ZNF574: variants seen among roughly 807,000 people sequenced by gnomAD.
ZNF574 encodes the protein zinc finger protein 574.
A neutral mutation model predicts 56.6 loss-of-function variants in ZNF574; 25 were observed. The observed-to-expected ratio is 0.44, with a 90% CI of 0.32 to 0.62. The LOEUF is 0.62. Ranked by LOEUF, ZNF574 falls within the 20% of genes least tolerant of loss-of-function variation. ZNF574 has a pLI of 0.04. For synonymous variants in ZNF574, 543 were observed against 492.1 expected, an observed-to-expected ratio of 1.10 and a Z score of -1.37; for missense variants, 1,065 against 1,218.9, an observed-to-expected ratio of 0.87 and a Z score of 1.88.
intron 1 of ZNF574, among the ~76,000 whole-genome samples, chr19:42,076,783 G>GAA (rs1056288373): frequency 2.6e-5 from 4 of 152,272 alleles, no homozygotes; most frequent in African/African-American, 4.8e-5. Flanking sequence ...GTTTTGGTGT[G>GAA]AAGACATTAG....
chr19:42,072,452 G>A (rs1414682031), upstream of ZNF574, among the ~76,000 whole-genome samples: 1 of 151,744 alleles, frequency 6.6e-6, no homozygotes, highest in Non-Finnish European at 1.5e-5. Context: ...TAGCCAGGAT[G>A]GTCTCGATCT....
intron 1 of ZNF574, chr19:42,070,692 G>A (rs2076411284): frequency 6.5e-6 from 1 of 152,740 alleles, no homozygotes; most frequent in South Asian, 2.1e-4. Flanking sequence ...CAAGCAAAAG[G>A]ACCTCGGAGA....
upstream of ZNF574, among the ~76,000 whole-genome samples, chr19:42,072,694 G>A (rs996499105): frequency 2.0e-5 from 3 of 152,096 alleles, no homozygotes; most frequent in Admixed American, 6.5e-5. Flanking sequence ...AGCCTCCCGC[G>A]TAGCTGGGAT....
At chr19:42,073,572 G>A (rs1375304720), upstream of ZNF574, among the ~76,000 whole-genome samples, 14 of 149,594 alleles carry the variant, frequency 9.4e-5, no homozygotes, top group Admixed American at 6.0e-4. Context: ...TGTAATCCCA[G>A]CACTTTGGGA....
At chr19:42,072,125 C>T (rs2076428636), upstream of ZNF574, among the ~76,000 whole-genome samples, 1 of 152,064 alleles carries the variant, frequency 6.6e-6, no homozygotes. Context: ...TCAGCTTATT[C>T]CTATATGATC....
chr19:42,072,030 AACC>A, upstream of ZNF574, among the ~76,000 whole-genome samples: 1 of 151,188 alleles, frequency 6.6e-6, no homozygotes, highest in East Asian at 2.0e-4. Context: ...AACAAAAACC[AACC>A]ACCATCCCCT....
At chr19:42,076,416 C>T (rs1024653655) in intron 1 of ZNF574, 130 bp downstream of exon 1, 2 of 151,780 alleles carry the variant, frequency 1.3e-5, no homozygotes, top group African/African-American at 4.8e-5. Flanking sequence ...GGAGCGGCAC[C>T]AACGGCCGAC....
In ZNF574 at chr19:42,079,212, C is replaced by T. The variant is rs756421494; in HGVS notation, c.606C>T (p.Thr202=). 3.7e-6 allele frequency: 6 copies of T among 1,614,046 alleles called. No homozygotes were observed. Among genetic ancestry groups the T allele is most frequent in the Admixed American group, 3.3e-5 (2 of 60,026 alleles). ...GATVPSAAAT[T]TEVVTEVELL... ...CTGTCCCATCTGCCGCTGCCACCACCACTGAGGTAGTGACTGAGGTGGAGC... is the reference window on the plus strand; with the variant it reads ...CTGTCCCATCTGCCGCTGCCACCACTACTGAGGTAGTGACTGAGGTGGAGC... Residue 202 remains threonine, a synonymous_variant, in exon 2 of 2, where the codon ACC becomes ACT. Transcript: ENST00000359044. The surrounding 1 kb of genome is among the most constrained non-coding windows in gnomAD (Gnocchi z 4.3).
At chr19:42,073,359 G>C (rs2076436995), upstream of ZNF574, among the ~76,000 whole-genome samples, 1 of 152,082 alleles carries the variant, frequency 6.6e-6, no homozygotes, top group South Asian at 2.1e-4. Flanking sequence ...AGAGATGTTA[G>C]TTATTATTAT....
chr19:42,080,560 C>T lies in ZNF574; in HGVS notation c.1954C>T (p.Arg652Trp), dbSNP rs201397724. The change falls in exon 2 of 2, where the codon CGG (arginine) becomes TGG (tryptophan). Residue 652 changes from arginine (R) to tryptophan (W), a missense_variant. Transcript: ENST00000359044. The surrounding 1 kb of genome is among the most constrained non-coding windows in gnomAD (Gnocchi z 8.5). ...TGCCTTCCCCTCCTCACTGCGGCTC[C>T]GGGAGCACCGCTGTGCAGCCGCTGC... ...GAAFPSSLRL[R>W]EHRCAAAAAQ... The T allele has an allele frequency of 1.2e-5, 19 of 1,612,826 alleles. No individual in the cohort carries two copies. The highest frequency in any genetic ancestry group is 7.7e-5 in the South Asian group (7 of 91,036).
At chr19:42,072,780 G>A (rs936986282), upstream of ZNF574, among the ~76,000 whole-genome samples, 1 of 152,060 alleles carries the variant, frequency 6.6e-6, no homozygotes, top group Non-Finnish European at 1.5e-5. Context: ...TGGTCAGGCT[G>A]GTCTTGAACT....
intron 1 of ZNF574, among the ~76,000 whole-genome samples, chr19:42,078,296 G>A (rs546309353): frequency 2.1e-4 from 32 of 152,222 alleles, no homozygotes; most frequent in Admixed American, 5.9e-4. Flanking sequence ...AGGTGTGGGA[G>A]ATGAGGGGAC....
exon 1 of ZNF574, chr19:42,068,499 G>C: frequency 2.6e-6 from 1 of 377,688 alleles, no homozygotes; most frequent in East Asian, 3.8e-5. Context: ...AGGGACTGAG[G>C]AGCCGGGCAC....
rs138945221 is a variant in ZNF574 at position 42,081,228 on chromosome 19, G to T, written c.2622G>T (p.Ala874=). 1 of 1,612,606 alleles carries T rather than the reference G, an allele frequency of 6.2e-7. No individual in the cohort carries two copies. Among genetic ancestry groups the T allele is most frequent in the Non-Finnish European group, 8.5e-7 (1 of 1,179,614 alleles). The change falls in exon 2 of 2, where the codon GCG becomes GCT. Residue 874 remains alanine (A), a synonymous_variant. Transcript: ENST00000359044. ...GLAVMETAVE[A]LPLVEAIEIY... ...CCGTCATGGAGACTGCTGTGGAGGC[G>T]CTACCCCTGGTGGAAGCCATTGAGA... is the stretch of plus-strand genomic sequence containing the variant.
At position 42,080,475 on chromosome 19, in the gene ZNF574, GGTGCACCAGCTC is replaced by G; in HGVS notation, c.1873_1884del (p.His625_Val628del). 6.2e-7 allele frequency: 1 copy of G among 1,614,026 alleles called. No individual in the cohort carries two copies. Among genetic ancestry groups the G allele is most frequent in the Non-Finnish European group, 8.5e-7 (1 of 1,180,022 alleles). ...CCTTCTTGCTGCGTCGGCTGCTGGAGGTGCACCAGCTCGTGGTCCATGCCGGGCGCCAGCCCC... is the reference window on the plus strand; with the variant it reads ...CCTTCTTGCTGCGTCGGCTGCTGGAGGTGGTCCATGCCGGGCGCCAGCCCC... On this transcript the variant is annotated inframe_deletion, in exon 2 of 2. Coordinates refer to ENST00000359044, the MANE Select transcript of ZNF574 (RefSeq NM_022752.6). This position sits in a 1 kb window ranked among gnomAD's most constrained non-coding sequence, Gnocchi z 8.5.
At chr19:42,075,441 T>C (rs1209836830), upstream of ZNF574, among the ~76,000 whole-genome samples, 1 of 152,210 alleles carries the variant, frequency 6.6e-6, no homozygotes, top group Non-Finnish European at 1.5e-5. Context: ...TTGTCCCTGC[T>C]TCTTTTTCTC....
chr19:42,070,048 AC>A (rs1366757476), intron 1 of ZNF574, among the ~76,000 whole-genome samples: 1 of 152,022 alleles, frequency 6.6e-6, no homozygotes, highest in Non-Finnish European at 1.5e-5. Context: ...GCCTGGCGAC[AC>A]ACTCCTGGTC....
In ZNF574 at chr19:42,079,182, G is replaced by T; in HGVS notation, c.576G>T (p.Gly192=). The part of the protein sequence containing the change: ...SYRKAEEGGE[G]ATVPSAAATT... ...GAAAGGCAGAAGAGGGTGGGGAAGG[G>T]GCGACTGTCCCATCTGCCGCTGCCA... Residue 192 remains glycine (G), a synonymous_variant, in exon 2 of 2, where the codon GGG becomes GGT. Transcript: ENST00000359044. This position sits in a 1 kb window ranked among gnomAD's most constrained non-coding sequence, Gnocchi z 4.3. 6.2e-7 allele frequency: 1 copy of T among 1,613,938 alleles called. No individual in the cohort carries two copies. The highest frequency in any genetic ancestry group is 8.5e-7 in the Non-Finnish European group (1 of 1,180,032).
In ZNF574 at chr19:42,079,742, T is replaced by C; in HGVS notation, c.1136T>C (p.Leu379Pro). The part of the protein sequence containing the change: ...CGLAFGTEAL[L>P]LAHRRAHTPN... ...CTGGCCTTCGGCACAGAGGCCCTCC[T>C]CCTGGCCCACCGGCGAGCCCACACC... is the stretch of plus-strand genomic sequence containing the variant. The change falls in exon 2 of 2, where the codon CTC becomes CCC. Residue 379 changes from leucine to proline, a missense_variant. Leu to Pro is a moderately conservative substitution (Grantham distance 98). Coordinates refer to ENST00000359044, the MANE Select transcript of ZNF574 (RefSeq NM_022752.6). This position sits in a 1 kb window ranked among gnomAD's most constrained non-coding sequence, Gnocchi z 4.3. 1 of 1,614,160 alleles carries C rather than the reference T, an allele frequency of 6.2e-7. No homozygotes were observed. The highest frequency in any genetic ancestry group is 8.5e-7 in the Non-Finnish European group (1 of 1,180,028).
Sources: allele counts gnomAD v4.1 joint callset (sites outside exome capture counted in the v4.1 genomes callset), GRCh38; gene constraint gnomAD v4.1.1; non-coding constraint Gnocchi (gnomAD v3.1); transcripts MANE v1.5; gene names NCBI Gene and HGNC (gene_info 2026-07-23, HGNC 2026-07-21).